LRMDA: variants seen among roughly 807,000 people sequenced by gnomAD.
The protein encoded by LRMDA is leucine-rich melanocyte differentiation-associated protein.
LRMDA carries 18 observed loss-of-function variants against 29.8 expected under a neutral mutation model. That is an observed-to-expected ratio of 0.60 (90% CI 0.42 to 0.90). LRMDA has a LOEUF of 0.90. Among genes scored for constraint, LRMDA ranks in the 40% least tolerant of loss-of-function variants. The probability of loss-of-function intolerance (pLI) is 0.00; values close to 1 mark genes in which losing one functional copy is unlikely to be tolerated. For missense variants in LRMDA, 273 were observed against 273.9 expected, an observed-to-expected ratio of 1.00 and a Z score of 0.02; for synonymous variants, 125 against 109.4, an observed-to-expected ratio of 1.14 and a Z score of -0.89.
Position 76,415,621 on chromosome 10 carries a change from T to C in LRMDA, c.601+91136T>C, listed in dbSNP as rs78115361. On this transcript the variant is annotated intron_variant, in intron 6 of 6. Transcript: ENST00000611255. ...GCGTGTATGTGTGTGTGTGTGTGTGTGCGTGTGTGTATACAGATTTTTCTG... is the reference window on the plus strand; with the variant it reads ...GCGTGTATGTGTGTGTGTGTGTGTGCGCGTGTGTGTATACAGATTTTTCTG... Among the ~76,000 whole-genome samples the C allele has an allele frequency of 1.4e-3, 143 of 102,424 alleles. 1 individual carries two copies. The highest frequency in any genetic ancestry group is 2.4e-3 in the Non-Finnish European group (101 of 41,864). 67.2% of individuals were successfully genotyped at this position (102,424 alleles called of 152,430 possible).
intron 2 of LRMDA, among the ~76,000 whole-genome samples, chr10:75,756,262 T>C (rs995729383): frequency 6.6e-6 from 1 of 152,240 alleles, no homozygotes; most frequent in Non-Finnish European, 1.5e-5. Flanking sequence ...GTCAAAGTAT[T>C]GCGTAGGACT....
chr10:75,864,184 T>C (rs1844981629), intron 2 of LRMDA, among the ~76,000 whole-genome samples: 1 of 152,258 alleles, frequency 6.6e-6, no homozygotes, highest in South Asian at 2.1e-4. Context: ...ATTTGCAGTG[T>C]TATTTTGAAT....
intron 5 of LRMDA, among the ~76,000 whole-genome samples, chr10:76,165,337 A>G (rs1850720704): frequency 6.6e-6 from 1 of 151,040 alleles, no homozygotes; most frequent in African/African-American, 2.4e-5. Flanking sequence ...CAGTGGTGTG[A>G]TCTTGGCTTA....
At chr10:75,488,566 G>C (rs1844944183) in intron 2 of LRMDA, among the ~76,000 whole-genome samples, 1 of 152,096 alleles carries the variant, frequency 6.6e-6, no homozygotes, top group Non-Finnish European at 1.5e-5. Flanking sequence ...AGGATAAAAA[G>C]TTAGCATTGT....
chr10:76,473,892 C>T (rs1442042355), intron 6 of LRMDA, among the ~76,000 whole-genome samples: 3 of 151,566 alleles, frequency 2.0e-5, no homozygotes, highest in African/African-American at 7.3e-5. Flanking sequence ...GATGTAAAGA[C>T]AACAGTACTC....
At chr10:76,046,681 A>G (rs1223180737) in intron 3 of LRMDA, among the ~76,000 whole-genome samples, 2 of 151,976 alleles carry the variant, frequency 1.3e-5, no homozygotes, top group South Asian at 2.1e-4. Context: ...GACGGGTTTC[A>G]CCATGTTGGC....
At chr10:75,710,099 C>A (rs1842418248) in intron 2 of LRMDA, among the ~76,000 whole-genome samples, 1 of 152,198 alleles carries the variant, frequency 6.6e-6, no homozygotes, top group Admixed American at 6.5e-5. Context: ...TCAGAGTAAT[C>A]TGTGAATAAC....
intron 5 of LRMDA, among the ~76,000 whole-genome samples, chr10:76,259,360 A>G (rs1324206922): frequency 3.3e-5 from 5 of 152,068 alleles, no homozygotes; most frequent in Non-Finnish European, 2.9e-5. Context: ...TAATTTCCAT[A>G]TATTCATACA....
At chr10:75,783,095 A>AATTC in intron 2 of LRMDA, 1 of 1,566,272 alleles carries the variant, frequency 6.4e-7, no homozygotes. Flanking sequence ...AGCAATGATG[A>AATTC]AGGCTGGCTG....
At chr10:76,030,403 A>G (rs1437480510) in intron 2 of LRMDA, among the ~76,000 whole-genome samples, 1 of 152,162 alleles carries the variant, frequency 6.6e-6, no homozygotes, top group Non-Finnish European at 1.5e-5. Flanking sequence ...TAATATATAG[A>G]GTTACGTATC....
At chr10:76,348,519 T>G (rs780394342) in intron 6 of LRMDA, among the ~76,000 whole-genome samples, 4 of 152,244 alleles carry the variant, frequency 2.6e-5, no homozygotes, top group Non-Finnish European at 4.4e-5. Context: ...CACCTCTGCA[T>G]GTAAACATGT....
chr10:76,325,799 A>G (rs1840827235), intron 6 of LRMDA, among the ~76,000 whole-genome samples: 1 of 152,234 alleles, frequency 6.6e-6, no homozygotes, highest in Admixed American at 6.5e-5. Flanking sequence ...GAGAGATATG[A>G]TCAGATAGAT....
In LRMDA at chr10:76,560,151, AAAAG is replaced by A. The variant is rs1423724512; in HGVS notation, c.*2868_*2871del. On this transcript the variant is annotated 3_prime_UTR_variant, in exon 7 of 7. Coordinates refer to ENST00000611255, the MANE Select transcript of LRMDA (RefSeq NM_001305581.2). ...CACATACTCATGTATACTAAGGAAT[AAAAG>A]AAAGCAAACCACAGATTCTGGATGA... The A allele has an allele frequency of 1.3e-5, 2 of 152,182 alleles. No homozygotes were observed. Among genetic ancestry groups the A allele is most frequent in the East Asian group, 1.9e-4 (1 of 5,190 alleles). The allele number at this position is 152,182 out of a possible 1,614,324, so 9.4% of individuals were successfully genotyped here. A position where few individuals can be genotyped will look rare whatever the true frequency, so the allele number is the denominator to read the frequency against.
rs559477773 is a variant in LRMDA at position 75,460,827 on chromosome 10, T to C, written c.131+22333T>C. ...CTGCCATAATTTACCCATTTTCTAA[T>C]TGATTGACATATTTATATATTTTCC... On this transcript the variant is annotated intron_variant, in intron 2 of 6. Transcript: ENST00000611255. Among the ~76,000 whole-genome samples, 52 of 152,302 alleles carry C rather than the reference T, an allele frequency of 3.4e-4. No homozygotes were observed. In the South Asian group the frequency reaches 9.7e-3, roughly 29 times the overall value.
chr10:75,804,777 A>C lies in LRMDA; in HGVS notation c.132-231231A>C, dbSNP rs545033165. ...GCAGGTAGGGAAGATAGATGGCTCT[A>C]AAATGGCTTGTCCTTTGTATAAGCT... On this transcript the variant is annotated intron_variant, in intron 2 of 6. Coordinates refer to ENST00000611255, the MANE Select transcript of LRMDA (RefSeq NM_001305581.2). Among the ~76,000 whole-genome samples, 25 of 152,326 alleles carry C rather than the reference A, an allele frequency of 1.6e-4. No individual in the cohort carries two copies. The East Asian group carries it at 4.4e-3, about 27-fold the overall frequency.
At chr10:76,383,917 G>A (rs1295402655) in intron 6 of LRMDA, among the ~76,000 whole-genome samples, 2 of 152,092 alleles carry the variant, frequency 1.3e-5, no homozygotes, top group South Asian at 2.1e-4. Context: ...TCCATCATTT[G>A]TCAGTGTGTC....
chr10:75,456,635 T>G (rs1589149417), intron 2 of LRMDA, among the ~76,000 whole-genome samples: 3 of 152,214 alleles, frequency 2.0e-5, no homozygotes, highest in African/African-American at 7.2e-5. Flanking sequence ...GAAGACACAA[T>G]CTAACCTGGG....
intron 2 of LRMDA, among the ~76,000 whole-genome samples, chr10:75,523,744 A>G (rs1845386456): frequency 6.6e-6 from 1 of 152,208 alleles, no homozygotes; most frequent in Admixed American, 6.5e-5. Context: ...ATCGAAGTTC[A>G]GTTCAAGTCC....
chr10:76,338,440 G>C lies in LRMDA; in HGVS notation c.601+13955G>C, dbSNP rs376086681. ...AGAACTAGCTTCAGGAGTTCTCTAA[G>C]CACAGAGAAAGCTACTGGGGGCCTC... On this transcript the variant is annotated intron_variant, in intron 6 of 6. Coordinates refer to ENST00000611255, the MANE Select transcript of LRMDA (RefSeq NM_001305581.2). 2.7e-4 allele frequency among the ~76,000 whole-genome samples: 41 copies of C among 152,142 alleles called. No individual in the cohort carries two copies. The East Asian group carries it at 7.6e-3, about 28-fold the overall frequency.
Sources: gnomAD v4.1 joint callset for allele counts (sites outside exome capture counted in the v4.1 genomes callset) on GRCh38, gnomAD v4.1.1 for gene constraint, MANE v1.5 for transcripts, NCBI Gene and HGNC (gene_info 2026-07-23, HGNC 2026-07-21) for gene names.